Variants in EYS observed in about 807,000 individuals in gnomAD.
EYS encodes the protein protein eyes shut homolog.
EYS carries 250 observed loss-of-function variants against 282.1 expected under a neutral mutation model. The ratio of observed to expected loss-of-function variants is 0.89; its 90% CI spans 0.80 to 0.98. EYS has a LOEUF of 0.98. Ranked by LOEUF, EYS falls within the 50% of genes least tolerant of loss-of-function variation. The probability of loss-of-function intolerance (pLI) is 0.00; values close to 1 mark genes in which losing one functional copy is unlikely to be tolerated. For synonymous variants in EYS, 1,355 were observed against 1,282.9 expected (o/e 1.06, Z -1.20); for missense variants, 4,016 against 3,709.0 (o/e 1.08, Z -2.15).
intron 36 of EYS, among the ~76,000 whole-genome samples, chr6:63,849,466 C>G (rs936832562): frequency 3.3e-5 from 5 of 152,184 alleles, no homozygotes; most frequent in African/African-American, 7.2e-5. Flanking sequence ...TGGTGCCCCT[C>G]TGGGATGAAG....
chr6:64,085,338 G>GCACACACACACACA lies in EYS; in HGVS notation c.6425-3337_6425-3336insTGTGTGTGTGTGTG, dbSNP rs749247868. Among the ~76,000 whole-genome samples, 686 of 85,578 alleles carry GCACACACACACACA rather than the reference G, an allele frequency of 8.0e-3. 7 individuals carry two copies. Among genetic ancestry groups the GCACACACACACACA allele is most frequent in the African/African-American group, 0.028 (615 of 21,764 alleles). The allele number at this position is 85,578 out of a possible 152,430, so 56.1% of individuals were successfully genotyped here. A position where few individuals can be genotyped will look rare whatever the true frequency, so the allele number is the denominator to read the frequency against. ...GACGCGCGCGCGTGCGCACGTGCGC[G>GCACACACACACACA]CGCACACACACACACACACACACAC... On this transcript the variant is annotated intron_variant, in intron 31 of 42. Transcript: ENST00000503581.
intron 12 of EYS, among the ~76,000 whole-genome samples, chr6:65,266,885 T>C (rs1439729428): frequency 1.6e-5 from 2 of 122,204 alleles, no homozygotes; most frequent in Non-Finnish European, 3.5e-5. Context: ...TTAATGTGTG[T>C]GCATATATAT....
intron 28 of EYS, among the ~76,000 whole-genome samples, chr6:64,389,053 T>C (rs1773010764): frequency 6.6e-6 from 1 of 152,208 alleles, no homozygotes; most frequent in Non-Finnish European, 1.5e-5. Flanking sequence ...CAACAAATTA[T>C]AGCAATCAAC....
intron 42 of EYS, among the ~76,000 whole-genome samples, chr6:63,724,150 C>T (rs1237861386): frequency 6.6e-6 from 1 of 152,128 alleles, no homozygotes; most frequent in African/African-American, 2.4e-5. Flanking sequence ...ACAGTCCTTA[C>T]AAGAAACAGA....
intron 32 of EYS, among the ~76,000 whole-genome samples, chr6:64,074,911 T>A (rs1478615972): frequency 6.6e-6 from 1 of 151,956 alleles, no homozygotes; most frequent in Non-Finnish European, 1.5e-5. Context: ...CATAGAAAGA[T>A]GAATAGATGT....
intron 7 of EYS, among the ~76,000 whole-genome samples, chr6:65,392,235 C>G (rs529979466): frequency 1.1e-3 from 170 of 151,754 alleles, no homozygotes; most frequent in African/African-American, 4.0e-3. Flanking sequence ...AAAACCTAGG[C>G]ATTACCATTC....
chr6:64,689,375 T>A (rs1461972096), intron 22 of EYS, among the ~76,000 whole-genome samples: 2 of 151,772 alleles, frequency 1.3e-5, no homozygotes, highest in Non-Finnish European at 2.9e-5. Context: ...AGAATCAATA[T>A]CATGAAAATG....
At chr6:64,693,140 C>T (rs1214706926) in intron 22 of EYS, among the ~76,000 whole-genome samples, 2 of 151,146 alleles carry the variant, frequency 1.3e-5, no homozygotes, top group Admixed American at 1.3e-4. Flanking sequence ...CTAGAAACTA[C>T]AGAATAATGC....
At chr6:65,325,708 T>C (rs978593721) in intron 11 of EYS, among the ~76,000 whole-genome samples, 17 of 152,170 alleles carry the variant, frequency 1.1e-4, no homozygotes, top group Admixed American at 1.1e-3. Context: ...ATGTTAATGG[T>C]GCTTTACCCA....
At chr6:65,183,834 T>C (rs186923296) in intron 12 of EYS, among the ~76,000 whole-genome samples, 3 of 151,986 alleles carry the variant, frequency 2.0e-5, no homozygotes, top group Admixed American at 1.3e-4. Context: ...TTTTCTTCCA[T>C]AATCAATGAG....
Position 64,821,708 on chromosome 6 carries a change from A to T in EYS, c.3180T>A (p.Ile1060=). The change falls in exon 21 of 43, where the codon ATT becomes ATA. Residue 1060 remains isoleucine, a synonymous_variant. Transcript: ENST00000503581. ...PCLHGRCTEL[I]NEYPCSCDAD... is the part of the protein sequence containing the mutation. ...CATCACATGAACATGGATATTCATTAATAAGTTCTGTGCACCTGAAACACA... is the reference window on the plus strand; with the variant it reads ...CATCACATGAACATGGATATTCATTTATAAGTTCTGTGCACCTGAAACACA... The T allele has an allele frequency of 6.6e-7, 1 of 1,522,488 alleles. No individual in the cohort carries two copies. Among genetic ancestry groups the T allele is most frequent in the Non-Finnish European group, 8.9e-7 (1 of 1,123,460 alleles). The allele number at this position is 1,522,488 out of a possible 1,614,324, so 94.3% of individuals were successfully genotyped here.
intron 6 of EYS, among the ~76,000 whole-genome samples, chr6:65,404,906 T>C (rs891979245): frequency 6.6e-6 from 1 of 151,858 alleles, no homozygotes; most frequent in African/African-American, 2.4e-5. Context: ...TAAAACAATA[T>C]TGAATAACTA....
intron 26 of EYS, among the ~76,000 whole-genome samples, chr6:64,526,063 C>T (rs1364772684): frequency 6.6e-6 from 1 of 151,630 alleles, no homozygotes; most frequent in Non-Finnish European, 1.5e-5. Context: ...GAAAATTATG[C>T]TAAGTGAAAA....
intron 12 of EYS, among the ~76,000 whole-genome samples, chr6:65,128,615 A>T (rs1256415216): frequency 2.0e-5 from 3 of 152,030 alleles, no homozygotes; most frequent in African/African-American, 7.2e-5. Flanking sequence ...ACAGCTAACC[A>T]AGGAAGAGAA....
intron 29 of EYS, among the ~76,000 whole-genome samples, chr6:64,353,968 T>C (rs1391548397): frequency 6.6e-6 from 1 of 151,614 alleles, no homozygotes; most frequent in Non-Finnish European, 1.5e-5. Flanking sequence ...CAACTGGCAC[T>C]GTGAGCCACC....
At chr6:64,388,546 GTCAC>G in intron 29 of EYS, 140 bp downstream of exon 29, 1 of 593,486 alleles carries the variant, frequency 1.7e-6, no homozygotes, top group East Asian at 3.0e-5. Context: ...TGTTAGTAGA[GTCAC>G]TCAAAAACTT....
chr6:63,845,402 T>G (rs1772072085), intron 36 of EYS, among the ~76,000 whole-genome samples: 1 of 151,806 alleles, frequency 6.6e-6, no homozygotes, highest in Non-Finnish European at 1.5e-5. Context: ...TTTTTTTTTT[T>G]GGTTAATAAA....
At chr6:64,349,965 T>A (rs545853519) in intron 29 of EYS, among the ~76,000 whole-genome samples, 1 of 151,650 alleles carries the variant, frequency 6.6e-6, no homozygotes, top group East Asian at 2.0e-4. Context: ...TTTATTTATT[T>A]TTTTGCTAAT....
intron 2 of EYS, among the ~76,000 whole-genome samples, chr6:65,497,423 A>G (rs1274854075): frequency 6.6e-6 from 1 of 152,056 alleles, no homozygotes; most frequent in Non-Finnish European, 1.5e-5. Context: ...GCCAAAGGAA[A>G]AATGTTCCAG....
Sources: allele counts gnomAD v4.1 joint callset (sites outside exome capture counted in the v4.1 genomes callset), GRCh38; gene constraint gnomAD v4.1.1; transcripts MANE v1.5; gene names NCBI Gene and HGNC (gene_info 2026-07-23, HGNC 2026-07-21).